The following PCDH11X variants were observed in gnomAD, a reference collection of about 807,000 sequenced individuals.
PCDH11X encodes the protein protocadherin-11 X-linked.
In PCDH11X, 18 loss-of-function variants were observed where a neutral mutation model predicts 53.3. The ratio of observed to expected loss-of-function variants is 0.34; its 90% CI spans 0.23 to 0.50. The LOEUF (loss-of-function observed/expected upper bound fraction) is 0.50, where lower values mean the gene tolerates loss of function less well. PCDH11X is among the 20% of genes least tolerant of loss of function. PCDH11X has a pLI of 0.98. For synonymous variants in PCDH11X, 279 were observed against 393.3 expected (o/e 0.71, Z 3.44); for missense variants, 570 against 1,032.4 (o/e 0.55, Z 6.14).
intron 1 of PCDH11X, among the ~76,000 whole-genome samples, chrX:91,781,669 T>C (rs1431278603): frequency 1.4e-4 from 15 of 106,172 alleles, no homozygotes; most frequent in South Asian, 4.1e-4. Context: ...TGTGTGCGCG[T>C]GTGTGTGTGT....
intron 10 of PCDH11X, among the ~76,000 whole-genome samples, chrX:92,548,833 A>G (rs1358893808): frequency 3.7e-5 from 4 of 109,259 alleles, no homozygotes; most frequent in Non-Finnish European, 7.6e-5. Flanking sequence ...GCATTACTAG[A>G]GTTATTAAAA....
chrX:91,830,424 C>T (rs1190777646), intron 4 of PCDH11X, among the ~76,000 whole-genome samples: 1 of 111,328 alleles, frequency 9.0e-6, no homozygotes, highest in Non-Finnish European at 1.9e-5. Context: ...TTTATTTTGA[C>T]ATCTCAAGTT....
chrX:91,946,557 T>A (rs868349279), intron 6 of PCDH11X, among the ~76,000 whole-genome samples: 1 of 38,856 alleles, frequency 2.6e-5, no homozygotes, highest in African/African-American at 1.0e-4. Flanking sequence ...CCTGTTTCCC[T>A]CATATATATA....
chrX:92,602,306 A>G (rs1926325137), intron 10 of PCDH11X, among the ~76,000 whole-genome samples: 1 of 112,324 alleles, frequency 8.9e-6, no homozygotes. Context: ...GCAAAAAAAT[A>G]AAAATTACAT....
At chrX:92,238,680 C>T (rs1256598945) in intron 7 of PCDH11X, among the ~76,000 whole-genome samples, 1 of 111,352 alleles carries the variant, frequency 9.0e-6, no homozygotes, top group Non-Finnish European at 1.9e-5. Flanking sequence ...ATATGGCTGT[C>T]TAGACTGGCA....
intron 1 of PCDH11X, among the ~76,000 whole-genome samples, chrX:91,786,250 G>C (rs1287353181): frequency 2.8e-5 from 3 of 106,969 alleles, no homozygotes; most frequent in Non-Finnish European, 5.8e-5. Context: ...GCCCAAATCT[G>C]AAAGAATGAT....
chrX:92,079,166 C>T (rs1313280197), intron 6 of PCDH11X, among the ~76,000 whole-genome samples: 3 of 111,528 alleles, frequency 2.7e-5, no homozygotes, highest in African/African-American at 9.8e-5. Flanking sequence ...TGTCAGCAGG[C>T]CTGCATGGTG....
At chrX:92,218,247 T>C (rs1411027224) in intron 7 of PCDH11X, among the ~76,000 whole-genome samples, 17 of 109,834 alleles carry the variant, frequency 1.5e-4, no homozygotes, top group Non-Finnish European at 1.5e-4. Context: ...AAAAAATTAA[T>C]GAATCCAGGA....
intron 6 of PCDH11X, among the ~76,000 whole-genome samples, chrX:92,000,867 A>G (rs1448324008): frequency 6.6e-5 from 6 of 90,594 alleles, no homozygotes; most frequent in African/African-American, 2.4e-4. Context: ...ACTTAACATA[A>G]TGATCACAAG....
chrX:92,215,946 G>T (rs1242589564), intron 7 of PCDH11X, among the ~76,000 whole-genome samples: 1 of 110,941 alleles, frequency 9.0e-6, no homozygotes, highest in African/African-American at 3.3e-5. Context: ...GGCAAACAGG[G>T]TCTGGAGTGG....
intron 1 of PCDH11X, among the ~76,000 whole-genome samples, chrX:91,782,166 C>G (rs879053201): frequency 1.8e-5 from 2 of 112,527 alleles, no homozygotes; most frequent in Admixed American, 1.9e-4. Context: ...TCCTGGGTCC[C>G]GGCTCGCAGC....
chrX:91,910,952 G>C (rs1377465434), intron 6 of PCDH11X, among the ~76,000 whole-genome samples: 1 of 111,020 alleles, frequency 9.0e-6, no homozygotes, highest in Non-Finnish European at 1.9e-5. Context: ...TCATATGACT[G>C]TTAATAATTT....
intron 9 of PCDH11X, among the ~76,000 whole-genome samples, chrX:92,430,794 T>C (rs2072233745): frequency 9.1e-6 from 1 of 110,186 alleles, no homozygotes; most frequent in Non-Finnish European, 1.9e-5. Context: ...GGCAGCACTA[T>C]ATATAGCACA....
chrX:92,077,911 GA>G (rs1347950927), intron 6 of PCDH11X, among the ~76,000 whole-genome samples: 2 of 109,552 alleles, frequency 1.8e-5, no homozygotes, highest in Non-Finnish European at 3.8e-5. Context: ...TTATAGTAAT[GA>G]AAAAGGTTAA....
intron 9 of PCDH11X, among the ~76,000 whole-genome samples, chrX:92,436,120 T>C (rs1187244037): frequency 9.2e-6 from 1 of 109,066 alleles, no homozygotes; most frequent in African/African-American, 3.4e-5. Flanking sequence ...CTTAAACGAA[T>C]TTATAAGAAA....
intron 8 of PCDH11X, among the ~76,000 whole-genome samples, chrX:92,309,477 G>T (rs2068900657): frequency 9.0e-6 from 1 of 111,362 alleles, no homozygotes; most frequent in African/African-American, 3.3e-5. Context: ...AAAGTAAGAT[G>T]GTTGTTGCCA....
chrX:92,503,114 CAT>C (rs1202008253), intron 10 of PCDH11X, among the ~76,000 whole-genome samples: 1 of 110,872 alleles, frequency 9.0e-6, no homozygotes, highest in Non-Finnish European at 1.9e-5. Context: ...GGCCAACAAA[CAT>C]ATGAAAAAAA....
intron 5 of PCDH11X, among the ~76,000 whole-genome samples, chrX:91,849,400 G>A (rs1937882390): frequency 9.1e-6 from 1 of 110,260 alleles, no homozygotes; most frequent in African/African-American, 3.3e-5. Flanking sequence ...AGACAGGTAA[G>A]TACCCAATAG....
chrX:92,198,033 G>A (rs1356308751), intron 6 of PCDH11X, among the ~76,000 whole-genome samples: 1 of 109,783 alleles, frequency 9.1e-6, no homozygotes, highest in Non-Finnish European at 1.9e-5. Flanking sequence ...TTACCATTAG[G>A]TTTGAGTTGC....
Sources: allele counts gnomAD v4.1 joint callset (sites outside exome capture counted in the v4.1 genomes callset), GRCh38; gene constraint gnomAD v4.1.1; transcripts MANE v1.5; gene names NCBI Gene and HGNC (gene_info 2026-07-23, HGNC 2026-07-21).